Variants in NTNG1 observed in about 807,000 individuals in gnomAD.
NTNG1 encodes the protein netrin-G1.
Under a neutral mutation model 54.0 loss-of-function variants are expected in NTNG1, and 16 were observed. The ratio of observed to expected loss-of-function variants is 0.30; its 90% CI spans 0.20 to 0.45. The LOEUF (loss-of-function observed/expected upper bound fraction) is 0.45, where lower values mean the gene tolerates loss of function less well. Ranked by LOEUF, NTNG1 falls within the 20% of genes least tolerant of loss-of-function variation. The pLI, the probability that NTNG1 is intolerant of heterozygous loss-of-function variation, is 1.00. For missense variants in NTNG1, 530 were observed against 678.7 expected, an observed-to-expected ratio of 0.78 and a Z score of 2.43; for synonymous variants, 255 against 263.1, an observed-to-expected ratio of 0.97 and a Z score of 0.30.
chr1:107,148,520 T>A lies in NTNG1; in HGVS notation c.-74T>A. On this transcript the variant is annotated 5_prime_UTR_variant, in exon 2 of 8. An upstream open reading frame in the 5' UTR loses its in-frame stop. Transcript: ENST00000370068. ...ATACATACATATGTGTATATATATGTAAACTAGACAAAGATCGCAGATCAT... is the reference window on the plus strand; with the variant it reads ...ATACATACATATGTGTATATATATGAAAACTAGACAAAGATCGCAGATCAT... 6.9e-7 allele frequency: 1 copy of A among 1,454,352 alleles called. No homozygotes were observed. The highest frequency in any genetic ancestry group is 9.6e-7 in the Non-Finnish European group (1 of 1,046,312). 90.1% of individuals were successfully genotyped at this position (1,454,352 alleles called of 1,614,324 possible).
At chr1:107,328,588 T>C (rs150544763) in intron 3 of NTNG1, among the ~76,000 whole-genome samples, 71 of 152,264 alleles carry the variant, frequency 4.7e-4, no homozygotes, top group African/African-American at 1.6e-3. Flanking sequence ...AGCTGTTAAA[T>C]ATAGATAATG....
Position 107,148,510 on chromosome 1 carries a change from T to TACAC in NTNG1, c.-83_-82insCACA. ...ACCCGTACGCATACATACATATGTGTATATATATGTAAACTAGACAAAGAT... is the reference window on the plus strand; with the variant it reads ...ACCCGTACGCATACATACATATGTGTACACATATATATGTAAACTAGACAAAGAT... On this transcript the variant is annotated 5_prime_UTR_variant, in exon 2 of 8. The change abolishes the stop of an existing upstream ORF in the 5' untranslated region. Coordinates refer to ENST00000370068, the MANE Select transcript of NTNG1 (RefSeq NM_001113226.3). 8.0e-7 allele frequency: 1 copy of TACAC among 1,255,136 alleles called. No individual in the cohort carries two copies. The highest frequency in any genetic ancestry group is 1.1e-6 in the Non-Finnish European group (1 of 870,490). The allele number at this position is 1,255,136 out of a possible 1,614,324, so 77.7% of individuals were successfully genotyped here. A position where few individuals can be genotyped will look rare whatever the true frequency, so the allele number is the denominator to read the frequency against.
At chr1:107,403,210 T>G (rs1570882306) in intron 4 of NTNG1, among the ~76,000 whole-genome samples, 1 of 152,064 alleles carries the variant, frequency 6.6e-6, no homozygotes, top group East Asian at 1.9e-4. Flanking sequence ...AAAACAAACG[T>G]AAGTGGGAGA....
At chr1:107,287,553 G>T (rs1458138456) in intron 2 of NTNG1, among the ~76,000 whole-genome samples, 2 of 152,176 alleles carry the variant, frequency 1.3e-5, no homozygotes, top group Non-Finnish European at 2.9e-5. Flanking sequence ...TTTGAGGCCA[G>T]CCTGGGCAAT....
At chr1:107,239,516 G>A (rs1661670871) in intron 2 of NTNG1, among the ~76,000 whole-genome samples, 1 of 152,206 alleles carries the variant, frequency 6.6e-6, no homozygotes, top group South Asian at 2.1e-4. Context: ...GCTGTTTTCT[G>A]GAGGATTGCT....
At chr1:107,381,910 C>T (rs1014729663) in intron 3 of NTNG1, among the ~76,000 whole-genome samples, 1 of 152,168 alleles carries the variant, frequency 6.6e-6, no homozygotes, top group Non-Finnish European at 1.5e-5. Flanking sequence ...AGTTTACCTT[C>T]TATCAGGTTG....
Position 107,297,708 on chromosome 1 carries a change from G to T in NTNG1, c.247-26574G>T, listed in dbSNP as rs532906199. 2.0e-5 allele frequency among the ~76,000 whole-genome samples: 3 copies of T among 152,170 alleles called. No individual in the cohort carries two copies. The South Asian group carries it at 6.2e-4, about 32-fold the overall frequency. ...ATGTCCAAGAAAAATCTTAACTTCA[G>T]GGATGAAAATATCAACACATCAATC... On this transcript the variant is annotated intron_variant, in intron 2 of 7. Coordinates refer to ENST00000370068, the MANE Select transcript of NTNG1 (RefSeq NM_001113226.3).
chr1:107,392,588 C>A lies in NTNG1; in HGVS notation c.888-2566C>A, dbSNP rs113825121. On this transcript the variant is annotated intron_variant, in intron 3 of 7. Transcript: ENST00000370068. Reference sequence around the variant, plus strand: ...AAACAAATAAGGCATGGAAAAGTATCCATTGGATTTTCAACAAGGAGGTCG... The same window carrying A: ...AAACAAATAAGGCATGGAAAAGTATACATTGGATTTTCAACAAGGAGGTCG... Among the ~76,000 whole-genome samples the A allele has an allele frequency of 3.3e-3, 498 of 152,024 alleles. 4 individuals carry two copies. The highest frequency in any genetic ancestry group is 0.014 in the Middle Eastern group (4 of 294).
At chr1:107,263,981 A>G (rs1397677864) in intron 2 of NTNG1, among the ~76,000 whole-genome samples, 1 of 152,222 alleles carries the variant, frequency 6.6e-6, no homozygotes, top group Non-Finnish European at 1.5e-5. Flanking sequence ...GGTTCTTATC[A>G]TAGTTTGTTG....
chr1:107,253,496 G>A (rs76374176), intron 2 of NTNG1, among the ~76,000 whole-genome samples: 1 of 152,114 alleles, frequency 6.6e-6, no homozygotes, highest in Non-Finnish European at 1.5e-5. Flanking sequence ...GCCAACTCTT[G>A]TAACCAATTT....
At chr1:107,189,747 A>G (rs1657761180) in intron 2 of NTNG1, among the ~76,000 whole-genome samples, 1 of 151,726 alleles carries the variant, frequency 6.6e-6, no homozygotes, top group Admixed American at 6.6e-5. Context: ...AGCTAAACAC[A>G]TCTAAAAACA....
intron 2 of NTNG1, among the ~76,000 whole-genome samples, chr1:107,178,472 T>G (rs1656817207): frequency 6.6e-6 from 1 of 152,084 alleles, no homozygotes; most frequent in Non-Finnish European, 1.5e-5. Context: ...CACCTGGGTT[T>G]TTTTTTTCAT....
At chr1:107,479,124 G>A (rs1185048402) in intron 7 of NTNG1, among the ~76,000 whole-genome samples, 1 of 152,156 alleles carries the variant, frequency 6.6e-6, no homozygotes, top group Non-Finnish European at 1.5e-5. Context: ...TGAAAATTAT[G>A]CCAATACACT....
intron 5 of NTNG1, among the ~76,000 whole-genome samples, chr1:107,415,810 T>C (rs977222887): frequency 1.2e-4 from 19 of 152,240 alleles, no homozygotes; most frequent in African/African-American, 2.2e-4. Context: ...AAAACTTTCA[T>C]TGGAATTGGA....
At chr1:107,175,910 T>A (rs1656611125) in intron 2 of NTNG1, among the ~76,000 whole-genome samples, 1 of 152,196 alleles carries the variant, frequency 6.6e-6, no homozygotes, top group South Asian at 2.1e-4. Context: ...CATAGGATCA[T>A]AAGTAGTTTT....
At chr1:107,337,240 A>G (rs1256136683) in intron 3 of NTNG1, among the ~76,000 whole-genome samples, 1 of 152,054 alleles carries the variant, frequency 6.6e-6, no homozygotes, top group Non-Finnish European at 1.5e-5. Context: ...CGGAAAACCA[A>G]AATGTGGCAT....
At chr1:107,381,348 T>TAAAAAAAAAAA (rs10598493) in intron 3 of NTNG1, among the ~76,000 whole-genome samples, 2 of 51,654 alleles carry the variant, frequency 3.9e-5, no homozygotes, top group East Asian at 6.8e-4. Flanking sequence ...TCTCTTTAAC[T>TAAAAAAAAAAA]AAAAAAAAAA....
At chr1:107,400,221 C>T (rs997308723) in intron 4 of NTNG1, among the ~76,000 whole-genome samples, 1 of 152,118 alleles carries the variant, frequency 6.6e-6, no homozygotes, top group African/African-American at 2.4e-5. Flanking sequence ...TTCAAGACTG[C>T]TCCTCAATGC....
intron 7 of NTNG1, among the ~76,000 whole-genome samples, chr1:107,458,806 A>G (rs1677103598): frequency 6.6e-6 from 1 of 152,154 alleles, no homozygotes; most frequent in Admixed American, 6.5e-5. Context: ...TGGTAGGCCA[A>G]ATTTGTCATG....
Sources: allele counts gnomAD v4.1 joint callset (sites outside exome capture counted in the v4.1 genomes callset), GRCh38; gene constraint gnomAD v4.1.1; transcripts MANE v1.5; gene names NCBI Gene and HGNC (gene_info 2026-07-23, HGNC 2026-07-21).